PTP4A3: variants seen among roughly 807,000 people sequenced by gnomAD.
PTP4A3 encodes the protein protein tyrosine phosphatase type IVA 3.
In PTP4A3, 9 loss-of-function variants were observed where a neutral mutation model predicts 15.2. That is an observed-to-expected ratio of 0.59 (90% CI 0.36 to 1.03). The LOEUF (loss-of-function observed/expected upper bound fraction) is 1.03. PTP4A3 is among the 50% of genes least tolerant of loss of function. The pLI, the probability that PTP4A3 is intolerant of heterozygous loss-of-function variation, is 0.02. For synonymous variants in PTP4A3, 95 were observed against 102.0 expected, an observed-to-expected ratio of 0.93 and a Z score of 0.41; for missense variants, 234 against 252.1, an observed-to-expected ratio of 0.93 and a Z score of 0.49.
At chr8:141,429,920 G>A (rs1475426839) in intron 5 of PTP4A3, among the ~76,000 whole-genome samples, 2 of 38,700 alleles carry the variant, frequency 5.2e-5, no homozygotes, top group Non-Finnish European at 1.0e-4. Context: ...CGCACAGTCC[G>A]GGTCCCCGCT....
rs1832994383 is a variant in PTP4A3, at chr8:141,415,285, C to T, written c.-853-6103C>T. On this transcript the variant is annotated intron_variant, in intron 1 of 5. Transcript: ENST00000521578. ...TGCAGCAGGCAGTGGGGAGACAGGC[C>T]GGAGCCCTGGACAGCCCCCAGTCTT... is the stretch of plus-strand genomic sequence containing the variant. Among the ~76,000 whole-genome samples, 4 of 151,946 alleles carry T rather than the reference C, an allele frequency of 2.6e-5. No homozygotes were observed. In the South Asian group the frequency reaches 6.2e-4, roughly 24 times the overall value.
chr8:141,428,234 C>G (rs1833678924), intron 5 of PTP4A3, among the ~76,000 whole-genome samples: 1 of 152,114 alleles, frequency 6.6e-6, no homozygotes, highest in African/African-American at 2.4e-5. Flanking sequence ...TGTCTCAGGA[C>G]TACTCTGAGT....
chr8:141,427,099 A>G (rs763503017), intron 4 of PTP4A3, 30 bp downstream of exon 4: 15 of 1,586,272 alleles, frequency 9.5e-6, no homozygotes, highest in Non-Finnish European at 1.2e-5. Context: ...AGGGCTCGCC[A>G]TGTCAGGTGG....
intron 1 of PTP4A3, among the ~76,000 whole-genome samples, chr8:141,418,968 G>A (rs1307561498): frequency 1.3e-5 from 2 of 152,108 alleles, no homozygotes; most frequent in Non-Finnish European, 2.9e-5. Context: ...CTCACCTGGG[G>A]CAGGGGTAGG....
chr8:141,416,435 G>A (rs55634427), intron 1 of PTP4A3, among the ~76,000 whole-genome samples: 12 of 152,088 alleles, frequency 7.9e-5, no homozygotes, highest in Admixed American at 7.9e-4. Context: ...GCAGTGTCTA[G>A]CCTGGTATCC....
At chr8:141,428,720 C>T (rs1833701228) in intron 5 of PTP4A3, among the ~76,000 whole-genome samples, 1 of 152,220 alleles carries the variant, frequency 6.6e-6, no homozygotes, top group African/African-American at 2.4e-5. Flanking sequence ...GATGTGCACG[C>T]TCACACACAG....
chr8:141,407,902 T>TTTG (rs540028730), intron 1 of PTP4A3, among the ~76,000 whole-genome samples: 142 of 152,252 alleles, frequency 9.3e-4, no homozygotes, highest in Non-Finnish European at 1.6e-3. Flanking sequence ...CATGAGGTTT[T>TTTG]TTGTTGTTGT....
intron 1 of PTP4A3, among the ~76,000 whole-genome samples, chr8:141,407,025 C>T (rs55668047): frequency 0.029 from 4,394 of 152,276 alleles, 159 homozygotes; most frequent in African/African-American, 0.08. Flanking sequence ...TACCCTTTGC[C>T]CTCTCTGCTG....
At position 141,419,675 on chromosome 8, in the gene PTP4A3, G is replaced by T. The variant is rs569688911; in HGVS notation, c.-853-1713G>T. 2.6e-5 allele frequency among the ~76,000 whole-genome samples: 4 copies of T among 151,762 alleles called. No individual in the cohort carries two copies. In the East Asian group the frequency reaches 7.8e-4, roughly 29 times the overall value. ...CAACCTCTGCCTCCAGGGTTCAAGCGATTCTCCTGCCTCAGCCTCCCGAGT... is the reference window on the plus strand; with the variant it reads ...CAACCTCTGCCTCCAGGGTTCAAGCTATTCTCCTGCCTCAGCCTCCCGAGT... On this transcript the variant is annotated intron_variant, in intron 1 of 5. Coordinates refer to ENST00000521578, the MANE Select transcript of PTP4A3 (RefSeq NM_032611.3).
At chr8:141,424,200 CCAG>C (rs984039335) in intron 2 of PTP4A3, among the ~76,000 whole-genome samples, 8 of 152,178 alleles carry the variant, frequency 5.3e-5, no homozygotes, top group Admixed American at 3.3e-4. Flanking sequence ...TGTCCCGTGA[CCAG>C]CAAGACCCAT....
intron 1 of PTP4A3, among the ~76,000 whole-genome samples, chr8:141,396,320 C>T (rs1056675981): frequency 3.3e-5 from 5 of 152,318 alleles, no homozygotes; most frequent in East Asian, 1.9e-4. Flanking sequence ...GGAGAAGTGA[C>T]GTGCCAGGGT....
intron 1 of PTP4A3, among the ~76,000 whole-genome samples, chr8:141,419,211 C>G (rs1833205771): frequency 6.6e-6 from 1 of 152,208 alleles, no homozygotes; most frequent in Non-Finnish European, 1.5e-5. Context: ...TGCAGGGCCA[C>G]TAGGCAGCAG....
intron 1 of PTP4A3, among the ~76,000 whole-genome samples, chr8:141,411,516 G>C (rs1390286968): frequency 6.6e-6 from 1 of 152,238 alleles, no homozygotes; most frequent in African/African-American, 2.4e-5. Context: ...CATCGGGCCA[G>C]CCCAGAAATA....
intron 1 of PTP4A3, among the ~76,000 whole-genome samples, chr8:141,418,762 C>G (rs1160261647): frequency 3.3e-5 from 5 of 152,176 alleles, no homozygotes; most frequent in Admixed American, 6.5e-5. Context: ...GTCCCCATTT[C>G]GCAGATGGGA....
intron 1 of PTP4A3, among the ~76,000 whole-genome samples, chr8:141,417,338 G>A (rs544113189): frequency 1.3e-5 from 2 of 152,330 alleles, no homozygotes; most frequent in African/African-American, 2.4e-5. Context: ...TTAAGTGAGG[G>A]GACAGCAGTG....
intron 4 of PTP4A3, 142 bp downstream of exon 4, chr8:141,427,211 C>T: frequency 8.4e-7 from 1 of 1,195,650 alleles, no homozygotes; most frequent in Non-Finnish European, 1.1e-6. Context: ...GCTGGGGCTC[C>T]CAGACTGGTC....
At position 141,425,109 on chromosome 8, in the gene PTP4A3, C is replaced by T. The variant is rs757028048; in HGVS notation, c.167C>T (p.Thr56Met). ...GTGTGTGAAGTGACCTATGACAAAA[C>T]GCCGCTGGAGAAGGATGGCATCACC... ...VRVCEVTYDKTPLEKDGITVV... is the reference protein window; with the variant it reads ...VRVCEVTYDKMPLEKDGITVV... Residue 56 changes from threonine (T) to methionine (M), a missense_variant, in exon 3 of 6, where the codon ACG (threonine) becomes ATG (methionine). Coordinates refer to ENST00000521578, the MANE Select transcript of PTP4A3 (RefSeq NM_032611.3). The surrounding 1 kb of genome is among the most constrained non-coding windows in gnomAD (Gnocchi z 4.2). 44 of 1,612,100 alleles carry T rather than the reference C, an allele frequency of 2.7e-5. No individual in the cohort carries two copies. Among genetic ancestry groups the T allele is most frequent in the Non-Finnish European group, 3.5e-5 (41 of 1,179,304 alleles).
chr8:141,410,492 T>G (rs1364710764), intron 1 of PTP4A3, among the ~76,000 whole-genome samples: 1 of 152,240 alleles, frequency 6.6e-6, no homozygotes, highest in Non-Finnish European at 1.5e-5. Flanking sequence ...GTGGTCTTCT[T>G]GGGGCGCTCG....
chr8:141,397,482 C>T (rs992235440), intron 1 of PTP4A3, among the ~76,000 whole-genome samples: 21 of 152,374 alleles, frequency 1.4e-4, no homozygotes, highest in African/African-American at 4.6e-4. Flanking sequence ...ACCACAAGTA[C>T]AGAACAATGA....
Sources: allele counts gnomAD v4.1 joint callset (sites outside exome capture counted in the v4.1 genomes callset), GRCh38; gene constraint gnomAD v4.1.1; non-coding constraint Gnocchi (gnomAD v3.1); transcripts MANE v1.5; gene names NCBI Gene and HGNC (gene_info 2026-07-23, HGNC 2026-07-21).